PCM1: variants seen among roughly 807,000 people sequenced by gnomAD.
PCM1 encodes pericentriolar material 1.
PCM1 carries 157 observed loss-of-function variants against 241.9 expected under a neutral mutation model. That is an observed-to-expected ratio of 0.65 (90% CI 0.57 to 0.74). The LOEUF (loss-of-function observed/expected upper bound fraction) is 0.74, where lower values mean the gene tolerates loss of function less well. PCM1 is among the 30% of genes least tolerant of loss of function. The pLI is 0.00. For synonymous variants in PCM1, 1,085 were observed against 784.9 expected (o/e 1.38, Z -6.39); for missense variants, 3,478 against 2,360.1 (o/e 1.47, Z -9.81).
chr8:17,958,084 A>G (rs1369231162), intron 13 of PCM1, among the ~76,000 whole-genome samples: 1 of 152,214 alleles, frequency 6.6e-6, no homozygotes, highest in African/African-American at 2.4e-5. Flanking sequence ...TTATTTTATT[A>G]TAAACAATAT....
At chr8:18,019,479 A>G (rs1158634983) in intron 36 of PCM1, among the ~76,000 whole-genome samples, 1 of 152,170 alleles carries the variant, frequency 6.6e-6, no homozygotes, top group African/African-American at 2.4e-5. Context: ...TGAAATTGGT[A>G]TACAACTCAC....
At chr8:18,015,021 T>A (rs2092989290) in intron 36 of PCM1, among the ~76,000 whole-genome samples, 181 bp downstream of exon 36, 1 of 152,128 alleles carries the variant, frequency 6.6e-6, no homozygotes, top group African/African-American at 2.4e-5. Flanking sequence ...AAGATGACCA[T>A]CTCAAAACCC....
At chr8:17,925,310 G>A (rs1414980995) in intron 2 of PCM1, 3 of 152,190 alleles carry the variant, frequency 2.0e-5, no homozygotes, top group African/African-American at 7.2e-5. Context: ...ACATGCAAGT[G>A]ACATAAAGGT....
Position 17,986,177 on chromosome 8 carries a change from C to T in PCM1, c.4410+90C>T, listed in dbSNP as rs185383530. The T allele has an allele frequency of 1.0e-5, 9 of 878,464 alleles. No individual in the cohort carries two copies. In the Admixed American group the frequency reaches 1.5e-4, roughly 15 times the overall value. 54.4% of individuals were successfully genotyped at this position (878,464 alleles called of 1,614,324 possible). A position where few individuals can be genotyped will look rare whatever the true frequency, so the allele number is the denominator to read the frequency against. The stretch of plus-strand genomic sequence containing the variant: ...AGATTATTGTCAAATTGTAGGTAGA[C>T]CTAATATATTTGATTTTCAGCTTTT... On this transcript the variant is annotated intron_variant, in intron 26 of 38. Transcript: ENST00000325083.
At chr8:17,977,660 T>C (rs1412543572) in intron 23 of PCM1, among the ~76,000 whole-genome samples, 2 of 152,128 alleles carry the variant, frequency 1.3e-5, no homozygotes, top group Non-Finnish European at 2.9e-5. Flanking sequence ...TGCAAGCTAC[T>C]AGTTGGCAGA....
At chr8:17,989,726 C>A in intron 26 of PCM1, 133 bp from the exon 27 acceptor site, 1 of 624,628 alleles carries the variant, frequency 1.6e-6, no homozygotes, top group Non-Finnish European at 2.6e-6. Context: ...CTTGTTTGGA[C>A]AGAATACTGA....
At position 18,025,538 on chromosome 8, in the gene PCM1, C is replaced by A; in HGVS notation, c.5935-6C>A. 2 of 1,556,136 alleles carry A rather than the reference C, an allele frequency of 1.3e-6. No individual in the cohort carries two copies. The highest frequency in any genetic ancestry group is 1.8e-6 in the Non-Finnish European group (2 of 1,139,892). On this transcript the variant is annotated splice_polypyrimidine_tract_variant and splice_region_variant and intron_variant, in intron 37 of 38. Transcript: ENST00000325083. ...ATGATTTGTATTTTTAATTTTCATT[C>A]CAAAGGCAGATCTAAGAAAGAAAAT... is the stretch of plus-strand genomic sequence containing the variant.
At position 18,009,718 on chromosome 8, in the gene PCM1, G is replaced by T; in HGVS notation, c.5134G>T (p.Gly1712Ter). The T allele has an allele frequency of 6.7e-7, 1 of 1,490,402 alleles. No individual in the cohort carries two copies. 92.3% of individuals were successfully genotyped at this position (1,490,402 alleles called of 1,614,324 possible). A position where few individuals can be genotyped will look rare whatever the true frequency, so the allele number is the denominator to read the frequency against. ...QRCKRKIEAT[G>*]VIQSCAKEAK... ...ATGCAAAAGGAAAATAGAAGCAACT[G>T]GAGTGATACAATCTTGTGCCAAAGA... is the stretch of plus-strand genomic sequence containing the variant. Residue 1712 changes from glycine to a stop codon, truncating the protein, a stop_gained, in exon 31 of 39, where the codon GGA becomes TGA. Coordinates refer to ENST00000325083, the MANE Select transcript of PCM1 (RefSeq NM_006197.4). LOFTEE classifies it high-confidence loss of function.
chr8:17,930,959 A>G (rs910188835), intron 2 of PCM1, among the ~76,000 whole-genome samples: 3 of 152,180 alleles, frequency 2.0e-5, no homozygotes, highest in East Asian at 1.9e-4. Context: ...AAGGCATACT[A>G]ATGCTGTGCC....
At chr8:17,981,659 T>C (rs2080857771) in intron 24 of PCM1, among the ~76,000 whole-genome samples, 1 of 152,228 alleles carries the variant, frequency 6.6e-6, no homozygotes, top group African/African-American at 2.4e-5. Context: ...AGCTATCTTT[T>C]GTACCATGCT....
At chr8:18,010,507 T>G in intron 31 of PCM1, 102 bp from the exon 32 acceptor site, 2 of 776,762 alleles carry the variant, frequency 2.6e-6, no homozygotes, top group Admixed American at 5.4e-5. Context: ...AGGCCAGGCT[T>G]AGGTCTATAA....
chr8:17,941,832 A>G (rs1240414121), intron 6 of PCM1, among the ~76,000 whole-genome samples: 1 of 151,182 alleles, frequency 6.6e-6, no homozygotes, highest in Non-Finnish European at 1.5e-5. Context: ...GATTTCCCTC[A>G]AAGGTATACT....
intron 1 of PCM1, among the ~76,000 whole-genome samples, 155 bp downstream of exon 1, chr8:17,923,343 T>C (rs568486526): frequency 6.1e-4 from 93 of 152,306 alleles, no homozygotes; most frequent in African/African-American, 1.9e-3. Flanking sequence ...GGGCTTCCCG[T>C]GCCCTAGGCG....
rs1391145970 is a variant in PCM1 at position 18,028,355 on chromosome 8, TTATC to T, written c.*696_*699del. ...TAGGATTTGAAATTCTGGAAAATAT[TTATC>T]TACATCGCCTCAGACTAAAAGTAAA... On this transcript the variant is annotated 3_prime_UTR_variant, in exon 39 of 39. Coordinates refer to ENST00000325083, the MANE Select transcript of PCM1 (RefSeq NM_006197.4). 4.2e-5 allele frequency: 8 copies of T among 191,232 alleles called. No individual in the cohort carries two copies. Among genetic ancestry groups the T allele is most frequent in the African/African-American group, 1.4e-4 (6 of 42,968 alleles). 11.8% of individuals were successfully genotyped at this position (191,232 alleles called of 1,614,324 possible). A position where few individuals can be genotyped will look rare whatever the true frequency, so the allele number is the denominator to read the frequency against.
At chr8:17,983,316 C>T in intron 24 of PCM1, 1 of 1,302,838 alleles carries the variant, frequency 7.7e-7, no homozygotes, top group Non-Finnish European at 1.0e-6. Context: ...TTTTGGTGTC[C>T]ACTTTTTGTT....
chr8:18,010,703 C>G (rs1192362265), intron 32 of PCM1, 35 bp downstream of exon 32: 1 of 1,492,842 alleles, frequency 6.7e-7, no homozygotes, highest in East Asian at 2.4e-5. Flanking sequence ...AAAAATATGG[C>G]TGGGCGCGGT....
chr8:17,947,629 G>T (rs538400290), intron 7 of PCM1, among the ~76,000 whole-genome samples: 1 of 152,292 alleles, frequency 6.6e-6, no homozygotes, highest in South Asian at 2.1e-4. Context: ...GAGACAGGCT[G>T]TAGTTCTGTT....
At chr8:17,931,876 A>T (rs1240573016) in intron 2 of PCM1, among the ~76,000 whole-genome samples, 1 of 152,292 alleles carries the variant, frequency 6.6e-6, no homozygotes, top group South Asian at 2.1e-4. Flanking sequence ...AAGTTTTAAA[A>T]TATATTTCTA....
Position 17,937,172 on chromosome 8 carries a change from A to T in PCM1, c.135A>T (p.Ser45=). Residue 45 remains serine (S), a synonymous_variant, in exon 4 of 39, where the codon TCA becomes TCT. Transcript: ENST00000325083. ...AACAGAAGAAAGCAAATAGATCATCAGAAAAGAATAAGAAAAAGTTTGGTG... is the reference window on the plus strand; with the variant it reads ...AACAGAAGAAAGCAAATAGATCATCTGAAAAGAATAAGAAAAAGTTTGGTG... ...GAQQKKANRS[S]EKNKKKFGVE... 1 of 1,580,158 alleles carries T rather than the reference A, an allele frequency of 6.3e-7. No homozygotes were observed. The highest frequency in any genetic ancestry group is 2.3e-5 in the East Asian group (1 of 43,790).
Sources: allele counts gnomAD v4.1 joint callset (sites outside exome capture counted in the v4.1 genomes callset), GRCh38; gene constraint gnomAD v4.1.1; transcripts MANE v1.5; gene names NCBI Gene and HGNC (gene_info 2026-07-23, HGNC 2026-07-21).